SLF1: variants seen among roughly 807,000 people sequenced by gnomAD.
The protein encoded by SLF1 is SMC5/6 complex localization factor 1.
In SLF1, 105 loss-of-function variants were observed where a neutral mutation model predicts 123.0. The observed-to-expected ratio is 0.85, with a 90% CI of 0.73 to 1.00. SLF1 has a LOEUF of 1.00. Among genes scored for constraint, SLF1 ranks in the 50% least tolerant of loss-of-function variants. The pLI, the probability that SLF1 is intolerant of heterozygous loss-of-function variation, is 0.00. For missense variants in SLF1, 1,239 were observed against 1,223.0 expected, an observed-to-expected ratio of 1.01 and a Z score of -0.20; for synonymous variants, 434 against 406.6, an observed-to-expected ratio of 1.07 and a Z score of -0.81.
At chr5:94,629,692 TC>T (rs1400311276) in intron 3 of SLF1, 1 of 152,298 alleles carries the variant, frequency 6.6e-6, no homozygotes, top group Non-Finnish European at 1.5e-5. Flanking sequence ...ATCTGACATA[TC>T]ATTAGTCTAC....
At chr5:94,673,924 A>C (rs947177367) in intron 14 of SLF1, among the ~76,000 whole-genome samples, 1 of 152,112 alleles carries the variant, frequency 6.6e-6, no homozygotes, top group Non-Finnish European at 1.5e-5. Flanking sequence ...ATTATTTAAC[A>C]ATAACCAGGT....
chr5:94,657,637 A>G (rs1160825529), intron 9 of SLF1, among the ~76,000 whole-genome samples: 3 of 152,014 alleles, frequency 2.0e-5, no homozygotes, highest in East Asian at 1.9e-4. Context: ...AGAATGGGGT[A>G]TTAGAGTCCC....
At chr5:94,691,418 G>T in intron 18 of SLF1, 146 bp from the exon 19 acceptor site, 1 of 356,026 alleles carries the variant, frequency 2.8e-6, no homozygotes, top group Non-Finnish European at 4.9e-6. Flanking sequence ...CTTTTTAAAT[G>T]CAGGGGATGT....
In SLF1 at chr5:94,629,179, G is replaced by C. The variant is rs980784227; in HGVS notation, c.190+12G>C. On this transcript the variant is annotated intron_variant, in intron 3 of 20. Transcript: ENST00000265140. ...AGCTTGTGCGGCAGGTAAGTTAACT[G>C]TCTTCCCCCAACTTTTAAAAACAAT... The C allele has an allele frequency of 1.2e-5, 18 of 1,538,716 alleles. No homozygotes were observed. The highest frequency in any genetic ancestry group is 4.1e-5 in the African/African-American group (3 of 72,558).
chr5:94,673,691 TA>T (rs35649653), intron 14 of SLF1, among the ~76,000 whole-genome samples: 41,927 of 119,650 alleles, frequency 0.35, 7,152 homozygotes, highest in African/African-American at 0.46. Flanking sequence ...CCTTGTCTCT[TA>T]AAAAAAAAAA....
chr5:94,643,296 A>G lies in SLF1; in HGVS notation c.455A>G (p.Asn152Ser). ...LIRVLEAGKA[N>S]VILPKSSPSG... is the part of the protein sequence containing the mutation. ...AGAGTTTTGGAGGCTGGAAAGGCAA[A>G]TGTTATTTTACCAAAAAGTTCACCA... The change falls in exon 5 of 21, where the codon AAT (asparagine) becomes AGT (serine). Residue 152 changes from asparagine (N) to serine (S), a missense_variant. By Grantham distance (46) the Asn-to-Ser change is conservative. Coordinates refer to ENST00000265140, the MANE Select transcript of SLF1 (RefSeq NM_032290.4). 1 of 1,540,614 alleles carries G rather than the reference A, an allele frequency of 6.5e-7. No homozygotes were observed. Among genetic ancestry groups the G allele is most frequent in the Non-Finnish European group, 8.8e-7 (1 of 1,142,786 alleles).
At chr5:94,667,852 G>A (rs1196178687) in intron 12 of SLF1, among the ~76,000 whole-genome samples, 1 of 152,130 alleles carries the variant, frequency 6.6e-6, no homozygotes, top group African/African-American at 2.4e-5. Flanking sequence ...AGGCTCAGGT[G>A]ATCCTCCCGC....
In SLF1 at chr5:94,678,883, C is replaced by T; in HGVS notation, c.1903C>T (p.Leu635Phe). The T allele has an allele frequency of 6.2e-7, 1 of 1,613,692 alleles. No individual in the cohort carries two copies. Among genetic ancestry groups the T allele is most frequent in the Non-Finnish European group, 8.5e-7 (1 of 1,179,790 alleles). ...AAIDYWIFLG[L>F]KMGRNVMRHM... ...AATAGATTATTGGATTTTCCTTGGT[C>T]TTAAGATGGGTAGAAATGTGATGCG... The change falls in exon 15 of 21, where the codon CTT (leucine) becomes TTT (phenylalanine). Residue 635 changes from leucine to phenylalanine, a missense_variant. By Grantham distance (22) the Leu-to-Phe change is conservative. Transcript: ENST00000265140.
At position 94,696,821 on chromosome 5, in the gene SLF1, A is replaced by G. The variant is rs1753536710; in HGVS notation, c.*1509A>G. 1 of 151,844 alleles carries G rather than the reference A, an allele frequency of 6.6e-6. No homozygotes were observed. The highest frequency in any genetic ancestry group is 1.5e-5 in the Non-Finnish European group (1 of 67,882). The allele number at this position is 151,844 out of a possible 1,614,324, so 9.4% of individuals were successfully genotyped here. A position where few individuals can be genotyped will look rare whatever the true frequency, so the allele number is the denominator to read the frequency against. The stretch of plus-strand genomic sequence containing the variant: ...TGAGCTTTGGCTTTCCTACATGTCA[A>G]ATAGAAATCACACCAGGTATCTTTG... On this transcript the variant is annotated 3_prime_UTR_variant, in exon 21 of 21. Coordinates refer to ENST00000265140, the MANE Select transcript of SLF1 (RefSeq NM_032290.4).
At position 94,697,229 on chromosome 5, in the gene SLF1, C is replaced by T. The variant is rs527505802; in HGVS notation, c.*1917C>T. ...TTCTTCGAAAGTCCAACGTGGCAAA[C>T]ATAGGTTACTGTGTTCTGTGCCCTG... is the stretch of plus-strand genomic sequence containing the variant. On this transcript the variant is annotated 3_prime_UTR_variant, in exon 21 of 21. Coordinates refer to ENST00000265140, the MANE Select transcript of SLF1 (RefSeq NM_032290.4). The T allele has an allele frequency of 2.0e-5, 3 of 151,998 alleles. No homozygotes were observed. The South Asian group carries it at 6.2e-4, about 32-fold the overall frequency. 9.4% of individuals were successfully genotyped at this position (151,998 alleles called of 1,614,324 possible). A position where few individuals can be genotyped will look rare whatever the true frequency, so the allele number is the denominator to read the frequency against.
At chr5:94,636,633 C>T (rs1745808927) in intron 4 of SLF1, among the ~76,000 whole-genome samples, 1 of 150,414 alleles carries the variant, frequency 6.6e-6, no homozygotes, top group Non-Finnish European at 1.5e-5. Context: ...TTTTCTTTGT[C>T]AGACTTCTTG....
intron 1 of SLF1, among the ~76,000 whole-genome samples, chr5:94,626,429 C>T (rs1792253219): frequency 1.3e-5 from 2 of 151,996 alleles, no homozygotes. Flanking sequence ...ATCCCTGTAA[C>T]TTTTTTTAAA....
At chr5:94,664,169 T>G (rs954655029) in intron 11 of SLF1, among the ~76,000 whole-genome samples, 2 of 152,254 alleles carry the variant, frequency 1.3e-5, no homozygotes, top group Non-Finnish European at 2.9e-5. Context: ...CTAATTTTTC[T>G]CACGGCAGTA....
chr5:94,626,278 G>C (rs1561417538), intron 1 of SLF1, among the ~76,000 whole-genome samples: 1 of 151,648 alleles, frequency 6.6e-6, no homozygotes, highest in Non-Finnish European at 1.5e-5. Flanking sequence ...AAAGTAATTG[G>C]ATGATTAATA....
intron 6 of SLF1, among the ~76,000 whole-genome samples, chr5:94,650,081 A>G (rs1262498873): frequency 6.6e-6 from 1 of 152,206 alleles, no homozygotes; most frequent in Non-Finnish European, 1.5e-5. Flanking sequence ...AAGAAAGCAC[A>G]TATGGTATGG....
intron 12 of SLF1, 30 bp downstream of exon 12, chr5:94,666,054 A>T: frequency 1.3e-6 from 2 of 1,511,946 alleles, no homozygotes; most frequent in Non-Finnish European, 1.8e-6. Context: ...ACGATGCTAC[A>T]TTTCATTGAG....
At chr5:94,627,753 G>T (rs1744682553) in intron 1 of SLF1, among the ~76,000 whole-genome samples, 1 of 151,030 alleles carries the variant, frequency 6.6e-6, no homozygotes, top group African/African-American at 2.4e-5. Context: ...TGTCCACAGA[G>T]ACTTTAAAGT....
At chr5:94,645,561 A>G (rs549259341) in intron 5 of SLF1, among the ~76,000 whole-genome samples, 6 of 152,332 alleles carry the variant, frequency 3.9e-5, no homozygotes, top group African/African-American at 1.2e-4. Context: ...TAGTAAAGGT[A>G]TATTAATTTT....
At chr5:94,691,496 C>A in intron 18 of SLF1, 68 bp from the exon 19 acceptor site, 1 of 1,231,716 alleles carries the variant, frequency 8.1e-7, no homozygotes, top group Non-Finnish European at 1.1e-6. Flanking sequence ...CTAGTTCATG[C>A]CCTTTGATTA....
Sources: allele counts gnomAD v4.1 joint callset (sites outside exome capture counted in the v4.1 genomes callset), GRCh38; gene constraint gnomAD v4.1.1; transcripts MANE v1.5; gene names NCBI Gene and HGNC (gene_info 2026-07-23, HGNC 2026-07-21).